The following NR3C2 variants were observed in gnomAD, a reference collection of about 807,000 sequenced individuals.
NR3C2 encodes nuclear receptor subfamily 3 group C member 2.
Under a neutral mutation model 86.4 loss-of-function variants are expected in NR3C2, and 15 were observed. The observed-to-expected ratio is 0.17, with a 90% CI of 0.12 to 0.27. The LOEUF is 0.27. Among genes scored for constraint, NR3C2 ranks in the 10% least tolerant of loss-of-function variants. NR3C2 has a pLI of 1.00. For missense variants in NR3C2, 960 were observed against 1,195.6 expected (o/e 0.80, Z 2.91); for synonymous variants, 458 against 450.5 (o/e 1.02, Z -0.21).
chr4:148,316,518 G>A (rs941149395), intron 2 of NR3C2, among the ~76,000 whole-genome samples: 1 of 152,064 alleles, frequency 6.6e-6, no homozygotes, highest in African/African-American at 2.4e-5. Context: ...ACAGAATTTT[G>A]AGAAATAAGA....
chr4:148,099,726 AG>A (rs1287093819), intron 8 of NR3C2, among the ~76,000 whole-genome samples: 6 of 152,204 alleles, frequency 3.9e-5, no homozygotes, highest in Admixed American at 1.3e-4. Context: ...GCTGCATAGG[AG>A]CGGGGGATTT....
intron 7 of NR3C2, among the ~76,000 whole-genome samples, chr4:148,118,094 C>G (rs1732351851): frequency 6.6e-6 from 1 of 152,188 alleles, no homozygotes; most frequent in Admixed American, 6.5e-5. Flanking sequence ...TCCTCAAATT[C>G]TTTCCCCTCT....
At chr4:148,161,114 CAATT>C (rs1446905377) in intron 4 of NR3C2, among the ~76,000 whole-genome samples, 1 of 152,110 alleles carries the variant, frequency 6.6e-6, no homozygotes, top group Non-Finnish European at 1.5e-5. Context: ...ATTAGCTTGT[CAATT>C]GATTATAAGG....
At chr4:148,326,928 A>G (rs1427521210) in intron 2 of NR3C2, among the ~76,000 whole-genome samples, 1 of 152,190 alleles carries the variant, frequency 6.6e-6, no homozygotes, top group Admixed American at 6.5e-5. Context: ...TAATACAAAT[A>G]CCACTAAAAT....
intron 2 of NR3C2, among the ~76,000 whole-genome samples, chr4:148,386,882 T>C (rs1747288358): frequency 6.6e-6 from 1 of 152,178 alleles, no homozygotes; most frequent in South Asian, 2.1e-4. Context: ...CTGGACTTCA[T>C]CTCGGCCTCT....
chr4:148,342,134 A>G (rs1366264618), intron 2 of NR3C2, among the ~76,000 whole-genome samples: 1 of 152,168 alleles, frequency 6.6e-6, no homozygotes, highest in Non-Finnish European at 1.5e-5. Context: ...TTAATGATAC[A>G]AAAGAAGATG....
intron 8 of NR3C2, among the ~76,000 whole-genome samples, chr4:148,111,127 C>T (rs1732028591): frequency 6.6e-6 from 1 of 152,198 alleles, no homozygotes. Flanking sequence ...ACCCTCAAAA[C>T]TCAGCAGTCA....
intron 2 of NR3C2, among the ~76,000 whole-genome samples, chr4:148,391,866 CAAAAAA>C (rs11384324): frequency 9.0e-6 from 1 of 111,720 alleles, no homozygotes; most frequent in African/African-American, 3.5e-5. Context: ...GACTCCATTG[CAAAAAA>C]AAAAAAAAAA....
intron 2 of NR3C2, among the ~76,000 whole-genome samples, chr4:148,344,675 TTAC>T (rs2149985220): frequency 6.6e-6 from 1 of 152,288 alleles, no homozygotes; most frequent in South Asian, 2.1e-4. Flanking sequence ...GAGGTCAACA[TTAC>T]TACTATTGTT....
In NR3C2 at chr4:148,436,058, A is replaced by G. The variant is rs773739709; in HGVS notation, c.803T>C (p.Met268Thr). The change falls in exon 2 of 9, where the codon ATG becomes ACG. Residue 268 changes from methionine (M) to threonine (T), a missense_variant. Around this residue, in one of 4 missense-constraint regions of NR3C2, gnomAD observed 680 missense variants for 719.0 expected, o/e 0.95. Transcript: ENST00000358102. Reference sequence around the variant, plus strand: ...TGGAGGGCTGGAAATTGAGGATTTCATGCTACTTAACGGACTTGAGAGAGG... The same window carrying G: ...TGGAGGGCTGGAAATTGAGGATTTCGTGCTACTTAACGGACTTGAGAGAGG... ...GSPLSSPLSSMKSSISSPPSH... is the reference protein window; with the variant it reads ...GSPLSSPLSSTKSSISSPPSH... 1.2e-6 allele frequency: 2 copies of G among 1,614,072 alleles called. No individual in the cohort carries two copies. The highest frequency in any genetic ancestry group is 1.6e-4 in the Middle Eastern group (1 of 6,084).
intron 3 of NR3C2, among the ~76,000 whole-genome samples, chr4:148,253,348 T>C (rs79187319): frequency 2.8e-4 from 43 of 152,306 alleles, no homozygotes; most frequent in Non-Finnish European, 4.0e-4. Flanking sequence ...GAAAACTGCA[T>C]AGATTCAATA....
intron 6 of NR3C2, among the ~76,000 whole-genome samples, chr4:148,140,662 C>T (rs1273187397): frequency 6.6e-6 from 1 of 152,178 alleles, no homozygotes; most frequent in East Asian, 1.9e-4. Context: ...TAATATTAGC[C>T]ACACTAAGCC....
At chr4:148,363,154 C>T (rs1745925644) in intron 2 of NR3C2, among the ~76,000 whole-genome samples, 1 of 152,170 alleles carries the variant, frequency 6.6e-6, no homozygotes, top group Admixed American at 6.5e-5. Flanking sequence ...CGTGAAATGA[C>T]AGATGCCGAA....
At chr4:148,224,549 T>C (rs1022289891) in intron 3 of NR3C2, among the ~76,000 whole-genome samples, 1 of 152,218 alleles carries the variant, frequency 6.6e-6, no homozygotes, top group Admixed American at 6.5e-5. Context: ...GCAAAGCCAG[T>C]ATTAGTATTC....
chr4:148,237,336 A>G (rs1738795827), intron 3 of NR3C2, among the ~76,000 whole-genome samples: 1 of 152,204 alleles, frequency 6.6e-6, no homozygotes, highest in African/African-American at 2.4e-5. Context: ...AAATAGAAAG[A>G]GTCCACCTGG....
intron 3 of NR3C2, among the ~76,000 whole-genome samples, chr4:148,200,492 G>A (rs1171873574): frequency 6.6e-6 from 1 of 152,150 alleles, no homozygotes; most frequent in African/African-American, 2.4e-5. Context: ...GCAAAGAACT[G>A]ATGATTCTCC....
chr4:148,111,231 T>C (rs1367786020), intron 8 of NR3C2, among the ~76,000 whole-genome samples: 3 of 152,230 alleles, frequency 2.0e-5, no homozygotes, highest in Admixed American at 2.0e-4. Flanking sequence ...TATGAAAAGA[T>C]GTTCACCATC....
At chr4:148,316,787 T>G (rs939456950) in intron 2 of NR3C2, among the ~76,000 whole-genome samples, 2 of 152,118 alleles carry the variant, frequency 1.3e-5, no homozygotes, top group African/African-American at 2.4e-5. Flanking sequence ...TTTTTTCTTT[T>G]TTGTTGTTGT....
chr4:148,119,701 G>A lies in NR3C2; in HGVS notation c.2641+457C>T, dbSNP rs371211952. ...CTCGGGAGGCCGAGGCAGGAGAATC[G>A]CTTGAACCTGGGAGGTGGAGGTTGC... On this transcript the variant is annotated intron_variant, in intron 7 of 8. Transcript: ENST00000358102. Among the ~76,000 whole-genome samples, 13 of 151,178 alleles carry A rather than the reference G, an allele frequency of 8.6e-5. No homozygotes were observed. The South Asian group carries it at 1.7e-3, about 19-fold the overall frequency.
Sources: gnomAD v4.1 joint callset for allele counts (sites outside exome capture counted in the v4.1 genomes callset) on GRCh38, gnomAD v4.1.1 for gene constraint, gnomAD v4.1.1 regional missense constraint, MANE v1.5 for transcripts, NCBI Gene and HGNC (gene_info 2026-07-23, HGNC 2026-07-21) for gene names.